Variants in PTPRM observed in about 807,000 individuals in gnomAD.
PTPRM encodes the protein receptor-type tyrosine-protein phosphatase mu.
PTPRM carries 47 observed loss-of-function variants against 186.7 expected under a neutral mutation model. That is an observed-to-expected ratio of 0.25 (90% CI 0.20 to 0.32). PTPRM has a LOEUF of 0.32. PTPRM is among the 10% of genes least tolerant of loss of function. The pLI, the probability that PTPRM is intolerant of heterozygous loss-of-function variation, is 1.00. For missense variants in PTPRM, 1,494 were observed against 1,865.0 expected (o/e 0.80, Z 3.66); for synonymous variants, 668 against 674.9 (o/e 0.99, Z 0.16).
At chr18:8,022,976 A>T (rs1220520677) in intron 7 of PTPRM, among the ~76,000 whole-genome samples, 1 of 152,208 alleles carries the variant, frequency 6.6e-6, no homozygotes, top group Non-Finnish European at 1.5e-5. Context: ...AAGACTGGGT[A>T]TCATCAATCT....
At chr18:8,244,317 A>C (rs2094458296) in intron 15 of PTPRM, 108 bp downstream of exon 15, 15 of 1,157,578 alleles carry the variant, frequency 1.3e-5, no homozygotes, top group Non-Finnish European at 1.8e-5. Context: ...AGAAATTTTT[A>C]TGCCGTGTTG....
intron 14 of PTPRM, among the ~76,000 whole-genome samples, chr18:8,176,421 T>G (rs2146524930): frequency 6.6e-6 from 1 of 152,392 alleles, no homozygotes; most frequent in South Asian, 2.1e-4. Flanking sequence ...TCTCATTCCC[T>G]TAATTATTCA....
chr18:8,240,143 A>AATAC, intron 14 of PTPRM, among the ~76,000 whole-genome samples: 1 of 152,170 alleles, frequency 6.6e-6, no homozygotes, highest in Admixed American at 6.5e-5. Flanking sequence ...GGGAGAAAGA[A>AATAC]AAAGAGAGAA....
chr18:8,074,485 T>G (rs1390773290), intron 8 of PTPRM, among the ~76,000 whole-genome samples: 1 of 152,128 alleles, frequency 6.6e-6, no homozygotes, highest in Non-Finnish European at 1.5e-5. Context: ...ACTGCCGGAG[T>G]GTTTTCAAAG....
chr18:8,344,448 G>GTGTATATATATATATATA (rs1360655194), intron 23 of PTPRM, among the ~76,000 whole-genome samples: 263 of 33,282 alleles, frequency 7.9e-3, no homozygotes, highest in African/African-American at 0.011. Context: ...GTGTGTGTGT[G>GTGTATATATATATATATA]TATATATATA....
At chr18:8,123,655 T>C (rs749254762) in intron 13 of PTPRM, among the ~76,000 whole-genome samples, 1 of 152,172 alleles carries the variant, frequency 6.6e-6, no homozygotes, top group Non-Finnish European at 1.5e-5. Flanking sequence ...ACTTCTGAAG[T>C]GTTCTTCCCA....
intron 1 of PTPRM, among the ~76,000 whole-genome samples, chr18:7,665,930 A>G (rs890175788): frequency 2.0e-5 from 3 of 152,092 alleles, no homozygotes; most frequent in East Asian, 1.9e-4. Context: ...CAAAAAAAAA[A>G]TAGAATATAT....
At position 8,371,038 on chromosome 18, in the gene PTPRM, G is replaced by A. The variant is rs373546186; in HGVS notation, c.3171+32G>A. The A allele has an allele frequency of 7.4e-6, 10 of 1,348,548 alleles. No homozygotes were observed. In the African/African-American group the frequency reaches 1.3e-4, roughly 18 times the overall value. 83.5% of individuals were successfully genotyped at this position (1,348,548 alleles called of 1,614,324 possible). ...TTTCATACTGCTTTTAAAAGCTATG[G>A]TCAGACACTAGTGGTACCATACTAG... On this transcript the variant is annotated intron_variant, in intron 24 of 32. Coordinates refer to ENST00000580170, the MANE Select transcript of PTPRM (RefSeq NM_001105244.2).
intron 7 of PTPRM, among the ~76,000 whole-genome samples, chr18:7,966,902 C>T (rs1217365419): frequency 3.1e-5 from 4 of 127,014 alleles, no homozygotes; most frequent in Admixed American, 8.1e-5. Flanking sequence ...ATTGCCCAGG[C>T]TTGCTGAGGT....
intron 1 of PTPRM, among the ~76,000 whole-genome samples, chr18:7,649,467 T>A (rs541092576): frequency 3.3e-5 from 5 of 152,334 alleles, no homozygotes; most frequent in Non-Finnish European, 7.3e-5. Context: ...GAAAACCTCC[T>A]GGAAAGTGTT....
At chr18:7,813,844 C>T (rs1388628075) in intron 2 of PTPRM, among the ~76,000 whole-genome samples, 1 of 151,942 alleles carries the variant, frequency 6.6e-6, no homozygotes, top group African/African-American at 2.4e-5. Flanking sequence ...TATTCTTCAG[C>T]TGTATCCTTT....
At chr18:7,815,789 G>T (rs1025154329) in intron 2 of PTPRM, 1 of 152,170 alleles carries the variant, frequency 6.6e-6, no homozygotes, top group Non-Finnish European at 1.5e-5. Context: ...TGAAGAGATT[G>T]TAGTTTAAAG....
At chr18:7,722,270 G>A (rs1598435682) in intron 1 of PTPRM, among the ~76,000 whole-genome samples, 1 of 152,064 alleles carries the variant, frequency 6.6e-6, no homozygotes, top group East Asian at 1.9e-4. Flanking sequence ...TTTTCAGATT[G>A]GCTTCTTTCA....
chr18:8,036,713 T>C (rs2086354659), intron 7 of PTPRM, among the ~76,000 whole-genome samples: 1 of 152,160 alleles, frequency 6.6e-6, no homozygotes, highest in African/African-American at 2.4e-5. Flanking sequence ...TCTCAGGCAC[T>C]CTCTGACTTC....
chr18:7,588,389 C>T (rs2037035963), intron 1 of PTPRM, among the ~76,000 whole-genome samples: 1 of 152,068 alleles, frequency 6.6e-6, no homozygotes, highest in East Asian at 1.9e-4. Context: ...GTAGAAAATA[C>T]TAACTTATGA....
chr18:8,114,443 A>C (rs1053767405), intron 12 of PTPRM, among the ~76,000 whole-genome samples: 1 of 152,114 alleles, frequency 6.6e-6, no homozygotes, highest in East Asian at 1.9e-4. Context: ...AAAGGGGGGA[A>C]ATCTGAGATG....
At chr18:7,785,065 A>G (rs1478375037) in intron 2 of PTPRM, among the ~76,000 whole-genome samples, 2 of 152,188 alleles carry the variant, frequency 1.3e-5, no homozygotes, top group Admixed American at 6.5e-5. Context: ...AAGGGAGCAC[A>G]GGTGTTCACA....
chr18:7,937,619 T>C (rs769288802), intron 5 of PTPRM, among the ~76,000 whole-genome samples: 7 of 152,200 alleles, frequency 4.6e-5, no homozygotes, highest in Non-Finnish European at 7.4e-5. Context: ...GCCACAGAGG[T>C]TTCTGGCTGG....
chr18:7,953,139 T>C (rs2053087792), intron 6 of PTPRM, among the ~76,000 whole-genome samples: 1 of 152,238 alleles, frequency 6.6e-6, no homozygotes, highest in Non-Finnish European at 1.5e-5. Context: ...CTGGTACTTT[T>C]CTTAATGGAG....
Sources: gnomAD v4.1 joint callset for allele counts (sites outside exome capture counted in the v4.1 genomes callset) on GRCh38, gnomAD v4.1.1 for gene constraint, MANE v1.5 for transcripts, NCBI Gene and HGNC (gene_info 2026-07-23, HGNC 2026-07-21) for gene names.